The following PGR variants were observed in gnomAD, a reference collection of about 807,000 sequenced individuals.
PGR encodes the protein nuclear receptor subfamily 3 group C member 3.
Under a neutral mutation model 76.1 loss-of-function variants are expected in PGR, and 25 were observed. That is an observed-to-expected ratio of 0.33 (90% CI 0.24 to 0.46). PGR has a LOEUF of 0.46. Ranked by LOEUF, PGR falls within the 20% of genes least tolerant of loss-of-function variation. The pLI is 1.00. For missense variants in PGR, 1,172 were observed against 1,225.3 expected (o/e 0.96, Z 0.65); for synonymous variants, 579 against 535.0 (o/e 1.08, Z -1.14).
rs1001121565 is a variant in PGR, at chr11:101,031,664, G to T, written c.*7452C>A. On this transcript the variant is annotated 3_prime_UTR_variant, in exon 8 of 8. Transcript: ENST00000325455. ...TAATGGCATCTGATTATTTGATCAT[G>T]ACATCATTATTTGTATACAATGCAG... The T allele has an allele frequency of 3.3e-5, 7 of 213,388 alleles. No homozygotes were observed. Among genetic ancestry groups the T allele is most frequent in the Non-Finnish European group, 6.6e-5 (7 of 106,800 alleles). 13.2% of individuals were successfully genotyped at this position (213,388 alleles called of 1,614,324 possible). A position where few individuals can be genotyped will look rare whatever the true frequency, so the allele number is the denominator to read the frequency against.
intron 4 of PGR, among the ~76,000 whole-genome samples, chr11:101,060,213 C>T (rs1860443164): frequency 6.6e-6 from 1 of 152,022 alleles, no homozygotes; most frequent in African/African-American, 2.4e-5. Flanking sequence ...GTGTGTCTCA[C>T]TGTAAATAAG....
intron 3 of PGR, among the ~76,000 whole-genome samples, chr11:101,079,747 C>T (rs150657529): frequency 2.4e-4 from 36 of 152,284 alleles, no homozygotes; most frequent in Non-Finnish European, 4.3e-4. Flanking sequence ...TGCAGCAATC[C>T]TACTGTTGGG....
Position 101,117,642 on chromosome 11 carries a change from C to T in PGR, c.1789+8365G>A, listed in dbSNP as rs574616840. ...AAAAAAAAATTAAGTTGTTGACCCA[C>T]CTGAAATTTTTCTTGTGTATAATAC... On this transcript the variant is annotated intron_variant, in intron 2 of 7. Transcript: ENST00000325455. Among the ~76,000 whole-genome samples the T allele has an allele frequency of 4.6e-5, 7 of 152,048 alleles. No individual in the cohort carries two copies. In the East Asian group the frequency reaches 5.8e-4, roughly 13 times the overall value.
chr11:101,128,043 C>A lies in PGR; in HGVS notation c.1028G>T (p.Arg343Leu). ...AGAASAFAPP[R>L]SSPCASSTPV... ...GGTGGACGAGGCACAGGGTGAACTC[C>A]GCGGCGGGGCAAAGGCGCTGGCAGC... is the stretch of plus-strand genomic sequence containing the variant. Residue 343 changes from arginine (R) to leucine (L), a missense_variant, in exon 1 of 8, where the codon CGG becomes CTG. Physicochemically the swap from Arg to Leu is moderately radical, Grantham distance 102. Coordinates refer to ENST00000325455, the MANE Select transcript of PGR (RefSeq NM_000926.4). 2 of 1,605,086 alleles carry A rather than the reference C, an allele frequency of 1.2e-6. No individual in the cohort carries two copies. Among genetic ancestry groups the A allele is most frequent in the South Asian group, 2.2e-5 (2 of 91,070 alleles).
rs966197810 is a variant in PGR, at chr11:101,037,557, T to C, written c.*1559A>G. On this transcript the variant is annotated 3_prime_UTR_variant, in exon 8 of 8. Transcript: ENST00000325455. The stretch of plus-strand genomic sequence containing the variant: ...TTTTGCTTAGGGAGAGAAATAATAT[T>C]CCATTCATTCAGTTTAAAAACTTAG... 10 of 228,144 alleles carry C rather than the reference T, an allele frequency of 4.4e-5. No homozygotes were observed. The East Asian group carries it at 6.3e-4, about 14-fold the overall frequency. The allele number at this position is 228,144 out of a possible 1,614,324, so 14.1% of individuals were successfully genotyped here. A position where few individuals can be genotyped will look rare whatever the true frequency, so the allele number is the denominator to read the frequency against.
At chr11:101,103,295 T>C (rs1458597190) in intron 2 of PGR, among the ~76,000 whole-genome samples, 1 of 151,866 alleles carries the variant, frequency 6.6e-6, no homozygotes, top group African/African-American at 2.4e-5. Context: ...TAAATAGTCT[T>C]TGGACTGGAA....
chr11:101,100,850 C>T (rs192981450), intron 2 of PGR, among the ~76,000 whole-genome samples: 12 of 152,172 alleles, frequency 7.9e-5, no homozygotes, highest in Non-Finnish European at 1.3e-4. Context: ...GGACATCCCC[C>T]CCTGCAACAA....
In PGR at chr11:101,033,320, T is replaced by A. The variant is rs915251218; in HGVS notation, c.*5796A>T. The A allele has an allele frequency of 2.5e-5, 5 of 202,152 alleles. No individual in the cohort carries two copies. The highest frequency in any genetic ancestry group is 4.1e-5 in the Non-Finnish European group (4 of 98,376). 12.5% of individuals were successfully genotyped at this position (202,152 alleles called of 1,614,324 possible). ...AGCCACATCTCTGTTTCAACAAGAA[T>A]ATGGTATGTTTGTATTAACTCTCCA... is the stretch of plus-strand genomic sequence containing the variant. On this transcript the variant is annotated 3_prime_UTR_variant, in exon 8 of 8. Transcript: ENST00000325455.
In PGR at chr11:101,030,205, C is replaced by T. The variant is rs1859306269; in HGVS notation, c.*8911G>A. 4.5e-6 allele frequency: 1 copy of T among 221,916 alleles called. No individual in the cohort carries two copies. The highest frequency in any genetic ancestry group is 9.0e-6 in the Non-Finnish European group (1 of 111,106). 13.7% of individuals were successfully genotyped at this position (221,916 alleles called of 1,614,324 possible). A position where few individuals can be genotyped will look rare whatever the true frequency, so the allele number is the denominator to read the frequency against. On this transcript the variant is annotated 3_prime_UTR_variant, in exon 8 of 8. Coordinates refer to ENST00000325455, the MANE Select transcript of PGR (RefSeq NM_000926.4). ...CGTGAGTCATGAGAAAGATTCCCTG[C>T]ATCTCTTGCCAAGTATTAACACTAG...
At chr11:101,117,097 T>C (rs1241889552) in intron 2 of PGR, among the ~76,000 whole-genome samples, 2 of 152,162 alleles carry the variant, frequency 1.3e-5, no homozygotes, top group Admixed American at 1.3e-4. Flanking sequence ...TAGAGTTCTG[T>C]AAGGATGAGT....
intron 2 of PGR, 68 bp from the exon 3 acceptor site, chr11:101,091,944 C>T: frequency 1.2e-6 from 1 of 818,616 alleles, no homozygotes; most frequent in Admixed American, 1.9e-5. Context: ...TATGCAGTGA[C>T]AACTGAAATA....
At chr11:101,096,236 CAT>C (rs1347262430) in intron 2 of PGR, among the ~76,000 whole-genome samples, 1 of 152,088 alleles carries the variant, frequency 6.6e-6, no homozygotes, top group African/African-American at 2.4e-5. Context: ...TGGCACGACT[CAT>C]ATCATTGTAG....
At position 101,047,524 on chromosome 11, in the gene PGR, T is replaced by C. The variant is rs558823234; in HGVS notation, c.2488+2405A>G. Among the ~76,000 whole-genome samples, 597 of 152,292 alleles carry C rather than the reference T, an allele frequency of 3.9e-3. 6 individuals are homozygous for C. Among genetic ancestry groups the C allele is most frequent in the African/African-American group, 0.013 (560 of 41,568 alleles). On this transcript the variant is annotated intron_variant, in intron 6 of 7. Coordinates refer to ENST00000325455, the MANE Select transcript of PGR (RefSeq NM_000926.4). ...GATGGTTATGTATTCATCCCTGTCT[T>C]TGCATAAATTCTATGAGGAAGCCTT...
At chr11:101,087,182 T>C (rs1861526522) in intron 3 of PGR, among the ~76,000 whole-genome samples, 1 of 152,154 alleles carries the variant, frequency 6.6e-6, no homozygotes, top group Non-Finnish European at 1.5e-5. Flanking sequence ...TTCCAAACTA[T>C]ACTGTAAGGC....
chr11:101,042,091 C>A lies in PGR; in HGVS notation c.2500G>T (p.Gly834Trp). 1 of 1,613,326 alleles carries A rather than the reference C, an allele frequency of 6.2e-7. No individual in the cohort carries two copies. ...TCAAACTGGGTTTGACTTCGTAGCC[C>A]TTCCAAAGGAACTGTTAAGAAGACA... ...LLLLNTIPLE[G>W]LRSQTQFEEM... The change falls in exon 7 of 8, where the codon GGG (glycine) becomes TGG (tryptophan). Residue 834 changes from glycine to tryptophan, a missense_variant. Transcript: ENST00000325455.
chr11:101,046,474 A>C (rs1859893003), intron 6 of PGR, among the ~76,000 whole-genome samples: 1 of 151,752 alleles, frequency 6.6e-6, no homozygotes, highest in South Asian at 2.1e-4. Context: ...GGAGAGAACA[A>C]TGTAAAAATG....
In PGR at chr11:101,129,087, T is replaced by C. The variant is rs1292671005; in HGVS notation, c.-17A>G. ...CTCAGTCATGACGACTGGACTCCCC[T>C]TTTCTCCTCCCCCGTCTCCAGGAGG... On this transcript the variant is annotated 5_prime_UTR_variant, in exon 1 of 8. Coordinates refer to ENST00000325455, the MANE Select transcript of PGR (RefSeq NM_000926.4). 1 of 1,482,638 alleles carries C rather than the reference T, an allele frequency of 6.7e-7. No individual in the cohort carries two copies. Among genetic ancestry groups the C allele is most frequent in the Non-Finnish European group, 8.9e-7 (1 of 1,118,012 alleles). 91.8% of individuals were successfully genotyped at this position (1,482,638 alleles called of 1,614,324 possible). A position where few individuals can be genotyped will look rare whatever the true frequency, so the allele number is the denominator to read the frequency against.
intron 2 of PGR, among the ~76,000 whole-genome samples, chr11:101,104,094 C>T (rs889423266): frequency 2.0e-5 from 3 of 152,150 alleles, no homozygotes; most frequent in Non-Finnish European, 2.9e-5. Flanking sequence ...TCTTGAATAT[C>T]TACTATGTGC....
intron 3 of PGR, among the ~76,000 whole-genome samples, chr11:101,085,525 T>TAAA (rs1212568882): frequency 0.034 from 1,453 of 42,290 alleles, 256 homozygotes; most frequent in African/African-American, 0.13. Flanking sequence ...CTAGAGGAAC[T>TAAA]AAAAAAAAAA....
Sources: gnomAD v4.1 joint callset for allele counts (sites outside exome capture counted in the v4.1 genomes callset) on GRCh38, gnomAD v4.1.1 for gene constraint, MANE v1.5 for transcripts, NCBI Gene and HGNC (gene_info 2026-07-23, HGNC 2026-07-21) for gene names.